Variants in TDRD12 observed in about 807,000 individuals in gnomAD.
TDRD12 encodes the protein tudor domain containing 12, also known as putative ATP-dependent RNA helicase TDRD12.
Under a neutral mutation model 133.5 loss-of-function variants are expected in TDRD12, and 158 were observed. The observed-to-expected ratio is 1.18, with a 90% CI of 1.04 to 1.35. The LOEUF (loss-of-function observed/expected upper bound fraction) is 1.35, where lower values mean the gene tolerates loss of function less well. TDRD12 is among the 40% of genes most tolerant of loss of function. The pLI, the probability that TDRD12 is intolerant of heterozygous loss-of-function variation, is 0.00. For synonymous variants in TDRD12, 460 were observed against 477.9 expected, an observed-to-expected ratio of 0.96 and a Z score of 0.49; for missense variants, 1,443 against 1,321.3, an observed-to-expected ratio of 1.09 and a Z score of -1.43.
chr19:32,770,624 G>A (rs926195363), intron 8 of TDRD12, among the ~76,000 whole-genome samples: 1 of 151,978 alleles, frequency 6.6e-6, no homozygotes, highest in African/African-American at 2.4e-5. Context: ...CAAGTTCTTT[G>A]GAGTGGAATT....
chr19:32,824,238 ATTGTGCTGCCACACGCTGGT>A (rs1250264037), downstream of TDRD12: 6 of 152,542 alleles, frequency 3.9e-5, no homozygotes, highest in Admixed American at 3.9e-4. Flanking sequence ...TGATGCATCC[ATTGTGCTGCCACACGCTGGT>A]GAGGGGCAAG....
At chr19:32,764,919 A>G (rs1599555700) in intron 8 of TDRD12, among the ~76,000 whole-genome samples, 1 of 152,226 alleles carries the variant, frequency 6.6e-6, no homozygotes, top group African/African-American at 2.4e-5. Flanking sequence ...GCTTCTGCAC[A>G]GCAAAAGAAA....
intron 8 of TDRD12, 36 bp downstream of exon 30, chr19:32,826,393 A>C: frequency 8.1e-7 from 1 of 1,238,966 alleles, no homozygotes; most frequent in South Asian, 3.9e-5. Flanking sequence ...GTAAAATAGA[A>C]ATAATTTTTA....
intron 2 of TDRD12, among the ~76,000 whole-genome samples, chr19:32,732,785 A>G (rs1177756824): frequency 6.6e-6 from 1 of 152,236 alleles, no homozygotes; most frequent in Non-Finnish European, 1.5e-5. Flanking sequence ...TTATTTTAGT[A>G]TATGTGCTGC....
chr19:32,720,193 A>T, intron 1 of TDRD12, 97 bp downstream of exon 1: 1 of 1,136,858 alleles, frequency 8.8e-7, no homozygotes, highest in South Asian at 1.4e-5. Context: ...AGCTCCGCAC[A>T]GCTTCCTACA....
At chr19:32,821,821 C>T (rs948622482), downstream of TDRD12, among the ~76,000 whole-genome samples, 6 of 152,236 alleles carry the variant, frequency 3.9e-5, no homozygotes, top group Non-Finnish European at 7.3e-5. Flanking sequence ...CATCTAGGCT[C>T]ACTTTTATTG....
At chr19:32,738,154 C>A (rs555592225) in intron 2 of TDRD12, among the ~76,000 whole-genome samples, 2 of 151,946 alleles carry the variant, frequency 1.3e-5, no homozygotes, top group African/African-American at 4.8e-5. Context: ...AATAAAGAGT[C>A]ATGGGTAAGG....
intron 1 of TDRD12, among the ~76,000 whole-genome samples, chr19:32,725,328 T>G (rs1968823165): frequency 6.8e-6 from 1 of 146,690 alleles, no homozygotes; most frequent in Non-Finnish European, 1.5e-5. Context: ...TTTTCTAGGG[T>G]TTTTTTTTTA....
chr19:32,772,132 G>A (rs943030689), intron 8 of TDRD12, among the ~76,000 whole-genome samples: 3 of 152,158 alleles, frequency 2.0e-5, no homozygotes, highest in African/African-American at 7.2e-5. Context: ...CTAAGTGGGG[G>A]CAGTGATCTG....
chr19:32,816,511 T>A (rs1035056436), intron 26 of TDRD12, among the ~76,000 whole-genome samples: 3 of 152,248 alleles, frequency 2.0e-5, no homozygotes, highest in African/African-American at 7.2e-5. Flanking sequence ...TGTATGAATA[T>A]ACCATTATTT....
At chr19:32,796,311 C>T (rs1429058477) in intron 14 of TDRD12, 7 of 461,172 alleles carry the variant, frequency 1.5e-5, no homozygotes, top group Admixed American at 6.4e-5. Context: ...ATCTGTTGGC[C>T]GGGCGCAGTG....
downstream of TDRD12, among the ~76,000 whole-genome samples, chr19:32,823,695 A>G (rs1451101288): frequency 6.6e-6 from 1 of 152,206 alleles, no homozygotes; most frequent in African/African-American, 2.4e-5. Flanking sequence ...CCACTGGAAA[A>G]GGGTTCTGAA....
intron 11 of TDRD12, among the ~76,000 whole-genome samples, chr19:32,789,669 C>G (rs1971011726): frequency 6.6e-6 from 1 of 152,206 alleles, no homozygotes; most frequent in South Asian, 2.1e-4. Flanking sequence ...CATTCATCAG[C>G]TGATAACAGT....
chr19:32,724,765 T>C (rs1216162747), intron 1 of TDRD12, among the ~76,000 whole-genome samples: 2 of 152,116 alleles, frequency 1.3e-5, no homozygotes, highest in Non-Finnish European at 2.9e-5. Flanking sequence ...GTTTTTCTGG[T>C]TCTAGATCTT....
chr19:32,793,183 T>TGCAATAATAATAATA (rs1971120180), intron 13 of TDRD12, among the ~76,000 whole-genome samples: 2 of 89,726 alleles, frequency 2.2e-5, no homozygotes, highest in African/African-American at 1.6e-4. Context: ...AGACTCTGTC[T>TGCAATAATAATAATA]ACAATAATAA....
rs113114332 is a variant in TDRD12, at chr19:32,793,266, C to T, written c.1288-1362C>T. On this transcript the variant is annotated intron_variant, in intron 13 of 27. Coordinates refer to ENST00000444215, the Ensembl canonical transcript of TDRD12. ...GTCCTTACTCAAACTGTGGATGGAG[C>T]GTGAGGGTAGAGTGAAGACATTTGC... 1.9e-4 allele frequency among the ~76,000 whole-genome samples: 29 copies of T among 152,082 alleles called. 1 individual carries two copies. Among genetic ancestry groups the T allele is most frequent in the African/African-American group, 6.7e-4 (28 of 41,486 alleles).
downstream of TDRD12, among the ~76,000 whole-genome samples, chr19:32,824,888 C>T (rs1039953217): frequency 1.3e-5 from 2 of 152,182 alleles, no homozygotes; most frequent in Admixed American, 6.5e-5. Context: ...AACCTCGAGT[C>T]GGCTGAGACT....
rs564594562 is a variant in TDRD12 at position 32,803,029 on chromosome 19, C to T, written c.2439C>T (p.Asp813=). 45 of 1,535,948 alleles carry T rather than the reference C, an allele frequency of 2.9e-5. No homozygotes were observed. The South Asian group carries it at 3.3e-4, about 11-fold the overall frequency. The change falls in exon 21 of 28, where the codon GAC becomes GAT. Residue 813 remains aspartate (D), a synonymous_variant. Coordinates refer to ENST00000444215, the Ensembl canonical transcript of TDRD12. ...TCCTGCGCTACTTGGAGCGAGCGGA[C>T]GCCAAGGTCCCCGCAGAGCTGTACG...
chr19:32,741,950 A>G (rs997827390), intron 3 of TDRD12, among the ~76,000 whole-genome samples: 4 of 152,210 alleles, frequency 2.6e-5, no homozygotes, highest in Non-Finnish European at 1.5e-5. Flanking sequence ...TTAAATTGCC[A>G]AACTTATTAT....
Sources: allele counts gnomAD v4.1 joint callset (sites outside exome capture counted in the v4.1 genomes callset), GRCh38; gene constraint gnomAD v4.1.1; transcripts MANE v1.5; gene names NCBI Gene and HGNC (gene_info 2026-07-23, HGNC 2026-07-21).